Variants in GDAP1L1 observed in about 807,000 individuals in gnomAD.
GDAP1L1 encodes the protein ganglioside induced differentiation associated protein 1 like 1, also known as ganglioside-induced differentiation-associated protein 1-like 1.
GDAP1L1 carries 21 observed loss-of-function variants against 37.1 expected under a neutral mutation model. The ratio of observed to expected loss-of-function variants is 0.57; its 90% CI spans 0.40 to 0.81. The LOEUF is 0.81. Among genes scored for constraint, GDAP1L1 ranks in the 40% least tolerant of loss-of-function variants. The pLI, the probability that GDAP1L1 is intolerant of heterozygous loss-of-function variation, is 0.00. For synonymous variants in GDAP1L1, 193 were observed against 209.1 expected (o/e 0.92, Z 0.67); for missense variants, 362 against 491.6 (o/e 0.74, Z 2.49).
chr20:44,269,352 G>A (rs1329072867), intron 5 of GDAP1L1, among the ~76,000 whole-genome samples: 1 of 152,146 alleles, frequency 6.6e-6, no homozygotes, highest in Non-Finnish European at 1.5e-5. Context: ...ACATTGCAAA[G>A]TGGCATGTGT....
chr20:44,277,929 G>A (rs964656650), intron 5 of GDAP1L1, among the ~76,000 whole-genome samples: 8 of 152,128 alleles, frequency 5.3e-5, no homozygotes, highest in Non-Finnish European at 7.4e-5. Context: ...CGAGGTGGGC[G>A]GATCACCTGA....
chr20:44,277,516 G>A (rs2062596201), intron 5 of GDAP1L1, among the ~76,000 whole-genome samples: 1 of 152,158 alleles, frequency 6.6e-6, no homozygotes, highest in African/African-American at 2.4e-5. Flanking sequence ...GTACCTGGGG[G>A]CTGGATCACA....
intron 3 of GDAP1L1, 106 bp downstream of exon 3, chr20:44,258,713 T>C: frequency 1.3e-6 from 1 of 780,010 alleles, no homozygotes. Context: ...GTCCTCCCCT[T>C]CCTCCTCCTT....
chr20:44,265,206 C>G (rs1208229213), intron 5 of GDAP1L1: 14 of 985,286 alleles, frequency 1.4e-5, no homozygotes, highest in African/African-American at 1.7e-5. Flanking sequence ...GACCTTGACT[C>G]TTCCTGCTCC....
Position 44,263,288 on chromosome 20 carries a change from G to A in GDAP1L1, c.606G>A (p.Gln202=). 6.2e-7 allele frequency: 1 copy of A among 1,614,116 alleles called. No homozygotes were observed. Among genetic ancestry groups the A allele is most frequent in the South Asian group, 1.1e-5 (1 of 91,076 alleles). ...AACTGGACCATGAAGAGGAGCCCCA[G>A]CTCTCCGAGCCCTACCTTTCTAAAC... ...LMKLDHEEEP[Q]LSEPYLSKQK... The change falls in exon 4 of 6, where the codon CAG becomes CAA. Residue 202 remains glutamine, a synonymous_variant. Transcript: ENST00000342560.
At chr20:44,267,183 T>C (rs890145095) in intron 5 of GDAP1L1, among the ~76,000 whole-genome samples, 5 of 152,130 alleles carry the variant, frequency 3.3e-5, no homozygotes, top group Admixed American at 3.3e-4. Flanking sequence ...GTTCTAGGTG[T>C]TTCACAGATT....
rs942865498 is a variant in GDAP1L1 at position 44,270,327 on chromosome 20, C to T, written c.760+5768C>T. ...CTGGGACTACAGGCGCCCGCCACTACGCCCGGCTAATTTTTTGTATTTTTA... is the reference window on the plus strand; with the variant it reads ...CTGGGACTACAGGCGCCCGCCACTATGCCCGGCTAATTTTTTGTATTTTTA... On this transcript the variant is annotated intron_variant, in intron 5 of 5. Transcript: ENST00000342560. 1.3e-4 allele frequency among the ~76,000 whole-genome samples: 19 copies of T among 151,516 alleles called. No homozygotes were observed. In the East Asian group the frequency reaches 1.4e-3, roughly 11 times the overall value.
At chr20:44,263,713 G>A (rs368101219) in intron 4 of GDAP1L1, among the ~76,000 whole-genome samples, 3 of 152,302 alleles carry the variant, frequency 2.0e-5, no homozygotes, top group Non-Finnish European at 2.9e-5. Flanking sequence ...GCATCATGGC[G>A]GATGCCTGTA....
chr20:44,258,234 G>T, intron 2 of GDAP1L1, 200 bp from the exon 3 acceptor site: 1 of 722,032 alleles, frequency 1.4e-6, no homozygotes, highest in Non-Finnish European at 2.6e-6. Context: ...GCTAACCCTC[G>T]GGGACAGCTT....
chr20:44,257,571 C>T (rs1345983764), intron 2 of GDAP1L1, among the ~76,000 whole-genome samples: 1 of 152,146 alleles, frequency 6.6e-6, no homozygotes, highest in Non-Finnish European at 1.5e-5. Context: ...AGAGACCTCC[C>T]CTCCCCTGGT....
At chr20:44,272,259 G>A (rs2062525443) in intron 5 of GDAP1L1, among the ~76,000 whole-genome samples, 1 of 152,188 alleles carries the variant, frequency 6.6e-6, no homozygotes, top group Non-Finnish European at 1.5e-5. Flanking sequence ...TGGCCGTGGG[G>A]TTAGGACACG....
At chr20:44,251,961 C>T (rs1292479271) in intron 1 of GDAP1L1, among the ~76,000 whole-genome samples, 1 of 152,080 alleles carries the variant, frequency 6.6e-6, no homozygotes, top group Non-Finnish European at 1.5e-5. Flanking sequence ...ATGTTGGAGT[C>T]GTGATGAGTG....
rs2073481786 is a variant in GDAP1L1 at position 44,253,436 on chromosome 20, G to A, written c.181-3717G>A. ...AAAAAAGAATTTGAAATAAACTGAG[G>A]TCAGAGATGCTAAGTGTTTTATACA... On this transcript the variant is annotated intron_variant, in intron 1 of 5. Transcript: ENST00000342560. Among the ~76,000 whole-genome samples the A allele has an allele frequency of 2.0e-5, 3 of 152,168 alleles. No homozygotes were observed. The South Asian group carries it at 6.2e-4, about 31-fold the overall frequency.
chr20:44,263,015 A>G (rs557926511), intron 3 of GDAP1L1, among the ~76,000 whole-genome samples: 24 of 151,992 alleles, frequency 1.6e-4, no homozygotes, highest in African/African-American at 5.5e-4. Flanking sequence ...AGATTTCTTT[A>G]TGTGCCTATC....
At chr20:44,247,794 T>TGGGGGGGGGGGGGGGGGGTG (rs915847917) in intron 1 of GDAP1L1, among the ~76,000 whole-genome samples, 1 of 98,750 alleles carries the variant, frequency 1.0e-5, no homozygotes, top group African/African-American at 3.3e-5. Flanking sequence ...CGGGGCGGGT[T>TGGGGGGGGGGGGGGGGGGTG]GGGGGGGCTG....
At chr20:44,264,679 A>T (rs1376208500) in intron 5 of GDAP1L1, 120 bp downstream of exon 5, 4 of 1,502,126 alleles carry the variant, frequency 2.7e-6, no homozygotes, top group Non-Finnish European at 3.6e-6. Flanking sequence ...GGTTAAGAGG[A>T]TGGGCTATGG....
chr20:44,247,568 G>A (rs1218636024), intron 1 of GDAP1L1, 54 bp downstream of exon 1: 4 of 1,428,624 alleles, frequency 2.8e-6, no homozygotes, highest in Non-Finnish European at 3.7e-6. Context: ...TTGGGGAGGG[G>A]AGCCCCAGGG....
intron 5 of GDAP1L1, among the ~76,000 whole-genome samples, chr20:44,278,370 A>G (rs999161071): frequency 2.0e-5 from 3 of 151,898 alleles, no homozygotes; most frequent in Non-Finnish European, 2.9e-5. Context: ...TTCATGACAC[A>G]TATTTGCACT....
intron 5 of GDAP1L1, chr20:44,265,493 G>A (rs568942581): frequency 1.3e-5 from 13 of 984,870 alleles, no homozygotes; most frequent in Admixed American, 1.2e-4. Flanking sequence ...TGGGAAGGCC[G>A]TAGAGCCCAG....
Sources: gnomAD v4.1 joint callset for allele counts (sites outside exome capture counted in the v4.1 genomes callset) on GRCh38, gnomAD v4.1.1 for gene constraint, MANE v1.5 for transcripts, NCBI Gene and HGNC (gene_info 2026-07-23, HGNC 2026-07-21) for gene names.